Variants in ROBO1 observed in about 807,000 individuals in gnomAD.
ROBO1 encodes the protein roundabout homolog 1.
In ROBO1, 149 loss-of-function variants were observed where a neutral mutation model predicts 195.9. That is an observed-to-expected ratio of 0.76 (90% CI 0.67 to 0.87). The LOEUF (loss-of-function observed/expected upper bound fraction) is 0.87. ROBO1 is among the 40% of genes least tolerant of loss of function. The pLI is 0.00. For missense variants in ROBO1, 1,933 were observed against 2,068.3 expected, an observed-to-expected ratio of 0.93 and a Z score of 1.27; for synonymous variants, 816 against 733.2, an observed-to-expected ratio of 1.11 and a Z score of -1.82.
chr3:79,120,789 C>CA (rs1236821845), intron 3 of ROBO1, among the ~76,000 whole-genome samples: 1 of 152,064 alleles, frequency 6.6e-6, no homozygotes, highest in Non-Finnish European at 1.5e-5. Context: ...AAGGTACTTA[C>CA]AGTGTCATAC....
intron 1 of ROBO1, among the ~76,000 whole-genome samples, chr3:79,650,949 T>C (rs1945987119): frequency 6.6e-6 from 1 of 152,066 alleles, no homozygotes; most frequent in South Asian, 2.1e-4. Flanking sequence ...CTCATGATTC[T>C]TTTGATTCCT....
chr3:79,348,646 C>T (rs1310040700), intron 2 of ROBO1, among the ~76,000 whole-genome samples: 2 of 152,138 alleles, frequency 1.3e-5, no homozygotes, highest in Non-Finnish European at 2.9e-5. Context: ...AAATAATTTT[C>T]CCTCCCAATG....
intron 2 of ROBO1, among the ~76,000 whole-genome samples, chr3:79,564,194 C>A (rs1276124848): frequency 6.6e-6 from 1 of 151,930 alleles, no homozygotes; most frequent in Non-Finnish European, 1.5e-5. Context: ...TTTTGTGGAA[C>A]TTCTCATTTG....
At chr3:79,064,892 G>A (rs1559633612) in intron 3 of ROBO1, among the ~76,000 whole-genome samples, 1 of 151,930 alleles carries the variant, frequency 6.6e-6, no homozygotes, top group East Asian at 1.9e-4. Context: ...CACCTTAGGA[G>A]TAAAAGCATG....
chr3:78,638,867 T>C (rs2107551614), intron 22 of ROBO1, among the ~76,000 whole-genome samples: 1 of 151,344 alleles, frequency 6.6e-6, no homozygotes, highest in African/African-American at 2.4e-5. Context: ...AGCGAGATTC[T>C]ATCTCAAAAA....
chr3:78,703,849 C>T (rs995705137), intron 8 of ROBO1, among the ~76,000 whole-genome samples: 8 of 151,868 alleles, frequency 5.3e-5, no homozygotes, highest in African/African-American at 1.7e-4. Context: ...AATCCTCCAA[C>T]CCCTGAAGCA....
chr3:79,355,187 C>CAAACA (rs1553725604), intron 2 of ROBO1, among the ~76,000 whole-genome samples: 2 of 145,954 alleles, frequency 1.4e-5, no homozygotes, highest in East Asian at 4.0e-4. Context: ...AACAAACAAA[C>CAAACA]AAAAAAAAAA....
chr3:79,108,596 T>C (rs1396931296), intron 3 of ROBO1, among the ~76,000 whole-genome samples: 3 of 151,800 alleles, frequency 2.0e-5, no homozygotes, highest in African/African-American at 4.8e-5. Context: ...AAATTTAAGA[T>C]AGAAACAAAT....
At chr3:79,346,970 A>C (rs903793989) in intron 2 of ROBO1, among the ~76,000 whole-genome samples, 2 of 152,048 alleles carry the variant, frequency 1.3e-5, no homozygotes, top group African/African-American at 4.8e-5. Flanking sequence ...CAAAATATTC[A>C]ATTTAATGAT....
chr3:79,327,261 G>A (rs530665826), intron 2 of ROBO1, among the ~76,000 whole-genome samples: 1 of 151,666 alleles, frequency 6.6e-6, no homozygotes, highest in African/African-American at 2.4e-5. Context: ...GACTGACAAG[G>A]TCATTATTAA....
At chr3:79,498,679 C>A (rs116051060) in intron 2 of ROBO1, among the ~76,000 whole-genome samples, 2,474 of 151,960 alleles carry the variant, frequency 0.016, 32 homozygotes, top group Non-Finnish European at 0.027. Context: ...CGTGGTGAAA[C>A]CCCGTCTCTA....
At chr3:79,163,283 T>C (rs1365254034) in intron 2 of ROBO1, among the ~76,000 whole-genome samples, 5 of 152,138 alleles carry the variant, frequency 3.3e-5, no homozygotes, top group Admixed American at 2.0e-4. Flanking sequence ...ACAGTATTTA[T>C]CTTTGTGTGA....
At chr3:79,470,594 T>A (rs1434870748) in intron 2 of ROBO1, among the ~76,000 whole-genome samples, 2 of 152,112 alleles carry the variant, frequency 1.3e-5, no homozygotes, top group Admixed American at 1.3e-4. Flanking sequence ...ATTGTAATAA[T>A]CCCCATGTGT....
chr3:79,393,441 C>A (rs1217518721), intron 2 of ROBO1, among the ~76,000 whole-genome samples: 3 of 152,176 alleles, frequency 2.0e-5, no homozygotes, highest in Non-Finnish European at 2.9e-5. Context: ...ATAAATTAAT[C>A]TGTGTAGTTT....
intron 10 of ROBO1, among the ~76,000 whole-genome samples, chr3:78,675,736 C>T (rs1160647030): frequency 2.6e-5 from 4 of 152,178 alleles, no homozygotes; most frequent in Non-Finnish European, 4.4e-5. Context: ...GGCTCCACCT[C>T]TGGGGGCAGG....
rs866007976 is a variant in ROBO1 at position 79,729,463 on chromosome 3, A to G, written c.-51+38289T>C. Among the ~76,000 whole-genome samples the G allele has an allele frequency of 1.5e-4, 23 of 152,342 alleles. No individual in the cohort carries two copies. In the Middle Eastern group the frequency reaches 0.01, roughly 68 times the overall value. The stretch of plus-strand genomic sequence containing the variant: ...AATTAAGACTAGTTAGTACATATCT[A>G]TTTAAAAACAATCTCACTTAGAAAA... On this transcript the variant is annotated intron_variant, in intron 1 of 30. Coordinates refer to ENST00000464233, the MANE Select transcript of ROBO1 (RefSeq NM_002941.4).
chr3:79,343,936 T>C (rs1203743544), intron 2 of ROBO1, among the ~76,000 whole-genome samples: 1 of 152,124 alleles, frequency 6.6e-6, no homozygotes, highest in Non-Finnish European at 1.5e-5. Context: ...CAAGGATCAT[T>C]TGGTGTATTT....
chr3:79,113,392 T>A (rs934820506), intron 3 of ROBO1, among the ~76,000 whole-genome samples: 1 of 152,128 alleles, frequency 6.6e-6, no homozygotes, highest in Non-Finnish European at 1.5e-5. Context: ...TGAGGTTTTT[T>A]TTTTTAATAG....
intron 4 of ROBO1, among the ~76,000 whole-genome samples, chr3:78,846,120 T>G (rs2033655619): frequency 6.6e-6 from 1 of 152,080 alleles, no homozygotes; most frequent in African/African-American, 2.4e-5. Flanking sequence ...AAGAAAGATA[T>G]AAATGTAAAA....
Sources: allele counts gnomAD v4.1 joint callset (sites outside exome capture counted in the v4.1 genomes callset), GRCh38; gene constraint gnomAD v4.1.1; transcripts MANE v1.5; gene names NCBI Gene and HGNC (gene_info 2026-07-23, HGNC 2026-07-21).